Variants in CNTN1 observed in about 807,000 individuals in gnomAD.
CNTN1 encodes contactin 1, also known as contactin-1.
Under a neutral mutation model 126.4 loss-of-function variants are expected in CNTN1, and 38 were observed. The observed-to-expected ratio is 0.30, with a 90% CI of 0.23 to 0.39. CNTN1 has a LOEUF of 0.39. CNTN1 is among the 10% of genes least tolerant of loss of function. CNTN1 has a pLI of 1.00. For synonymous variants in CNTN1, 413 were observed against 422.6 expected, an observed-to-expected ratio of 0.98 and a Z score of 0.28; for missense variants, 1,009 against 1,248.4, an observed-to-expected ratio of 0.81 and a Z score of 2.89.
At chr12:40,922,199 C>T (rs896864802) in intron 4 of CNTN1, 57 bp from the exon 5 acceptor site, 13 of 1,472,144 alleles carry the variant, frequency 8.8e-6, no homozygotes, top group Admixed American at 5.0e-5. Flanking sequence ...GTGTTAGCTC[C>T]GTAGAGTTTC....
chr12:40,764,624 G>A (rs1476021321), intron 1 of CNTN1, among the ~76,000 whole-genome samples: 1 of 152,150 alleles, frequency 6.6e-6, no homozygotes, highest in Non-Finnish European at 1.5e-5. Flanking sequence ...ACTCACAATT[G>A]CAAGTTTTAA....
At chr12:40,955,692 C>G (rs1037387531) in intron 14 of CNTN1, among the ~76,000 whole-genome samples, 1 of 151,916 alleles carries the variant, frequency 6.6e-6, no homozygotes, top group Non-Finnish European at 1.5e-5. Context: ...TAAATAAGAC[C>G]TGGTTCTTTC....
chr12:40,864,120 A>G (rs962131489), intron 1 of CNTN1, among the ~76,000 whole-genome samples: 2 of 147,258 alleles, frequency 1.4e-5, no homozygotes, highest in African/African-American at 5.0e-5. Context: ...TCCCAGGTTC[A>G]AGTGATTCTC....
rs544653230 is a variant in CNTN1, at chr12:41,049,344, G to T, written c.2980+20125G>T. On this transcript the variant is annotated intron_variant, in intron 23 of 23. Coordinates refer to ENST00000551295, the MANE Select transcript of CNTN1 (RefSeq NM_001843.4). Reference sequence around the variant, plus strand: ...GCTGCCTGATTGCTATCTCCATTCAGACATCTAATTTAAACTCTTCCCCAT... The same window carrying T: ...GCTGCCTGATTGCTATCTCCATTCATACATCTAATTTAAACTCTTCCCCAT... Among the ~76,000 whole-genome samples, 85 of 152,276 alleles carry T rather than the reference G, an allele frequency of 5.6e-4. No individual in the cohort carries two copies. In the South Asian group the frequency reaches 7.9e-3, roughly 14 times the overall value.
chr12:40,748,525 A>C (rs1289512913), intron 1 of CNTN1, among the ~76,000 whole-genome samples: 1 of 152,176 alleles, frequency 6.6e-6, no homozygotes, highest in Admixed American at 6.6e-5. Flanking sequence ...ACATATTCTC[A>C]GAATATTTAT....
chr12:41,054,156 G>A (rs1311432276), intron 23 of CNTN1, among the ~76,000 whole-genome samples: 1 of 151,726 alleles, frequency 6.6e-6, no homozygotes, highest in Non-Finnish European at 1.5e-5. Flanking sequence ...GTGCCTTAAA[G>A]TCTCTATACT....
chr12:40,862,710 GA>G (rs1411856573), intron 1 of CNTN1, among the ~76,000 whole-genome samples: 13 of 152,178 alleles, frequency 8.5e-5, no homozygotes, highest in Non-Finnish European at 1.8e-4. Flanking sequence ...TAAAGGTCAT[GA>G]AAAAAATCTC....
chr12:41,005,014 CT>C (rs1331051744), intron 17 of CNTN1: 1 of 152,118 alleles, frequency 6.6e-6, no homozygotes, highest in Admixed American at 6.6e-5. Context: ...TATGTGGTTG[CT>C]TTATAGTGTC....
chr12:40,749,336 C>T (rs1938304364), intron 1 of CNTN1, among the ~76,000 whole-genome samples: 1 of 152,072 alleles, frequency 6.6e-6, no homozygotes, highest in African/African-American at 2.4e-5. Context: ...TAACACACCA[C>T]AATTCACTGA....
chr12:40,776,812 G>A (rs1304784544), intron 1 of CNTN1, among the ~76,000 whole-genome samples: 1 of 151,680 alleles, frequency 6.6e-6, no homozygotes, highest in Admixed American at 6.6e-5. Flanking sequence ...ACTCTATCAA[G>A]TAGGCGACAC....
At chr12:40,929,757 A>C (rs1945818053) in intron 6 of CNTN1, 39 bp from the exon 7 acceptor site, 11 of 1,476,302 alleles carry the variant, frequency 7.5e-6, no homozygotes, top group Non-Finnish European at 1.0e-5. Context: ...CAACTTTGGG[A>C]GAAGCACTTA....
At chr12:41,059,849 AC>A (rs1359257941) in intron 23 of CNTN1, among the ~76,000 whole-genome samples, 1 of 152,028 alleles carries the variant, frequency 6.6e-6, no homozygotes, top group Non-Finnish European at 1.5e-5. Context: ...ACATTGTGAG[AC>A]CCTATATCTA....
intron 1 of CNTN1, among the ~76,000 whole-genome samples, chr12:40,817,599 T>C (rs1941302960): frequency 6.6e-6 from 1 of 150,720 alleles, no homozygotes; most frequent in Admixed American, 6.6e-5. Flanking sequence ...AGCACATTGA[T>C]GGGTCTTGAC....
chr12:41,050,633 T>G (rs1949654364), intron 23 of CNTN1, among the ~76,000 whole-genome samples: 1 of 152,332 alleles, frequency 6.6e-6, no homozygotes, highest in African/African-American at 2.4e-5. Flanking sequence ...CATTATCATA[T>G]GCCTTGATTA....
chr12:40,944,200 AC>A, intron 14 of CNTN1, 30 bp downstream of exon 14: 1 of 1,549,410 alleles, frequency 6.5e-7, no homozygotes, highest in African/African-American at 1.4e-5. Context: ...TCTTATTAAC[AC>A]CCCAGTGATT....
chr12:41,056,971 A>AATATTTAGATATTTATAAATATTTAT (rs1566234535), intron 23 of CNTN1, among the ~76,000 whole-genome samples: 2 of 80,552 alleles, frequency 2.5e-5, no homozygotes, highest in Admixed American at 2.8e-4. Flanking sequence ...TAAATATTAT[A>AATATTTAGATATTTATAAATATTTAT]AATATTTAGA....
intron 1 of CNTN1, among the ~76,000 whole-genome samples, chr12:40,854,129 AATAG>A (rs1043919617): frequency 3.3e-5 from 5 of 151,408 alleles, no homozygotes; most frequent in African/African-American, 1.2e-4. Context: ...ATGATAAGTA[AATAG>A]ACAGGCTGAC....
At chr12:40,828,193 T>G (rs1257524610) in intron 1 of CNTN1, 1 of 152,234 alleles carries the variant, frequency 6.6e-6, no homozygotes, top group East Asian at 1.9e-4. Context: ...TAACTTGCTT[T>G]CTGCTGCAGG....
intron 15 of CNTN1, among the ~76,000 whole-genome samples, chr12:40,966,381 G>A (rs979332173): frequency 6.6e-6 from 1 of 152,002 alleles, no homozygotes; most frequent in Non-Finnish European, 1.5e-5. Flanking sequence ...CCACAGCAAT[G>A]CATCCATTGA....
Sources: allele counts gnomAD v4.1 joint callset (sites outside exome capture counted in the v4.1 genomes callset), GRCh38; gene constraint gnomAD v4.1.1; transcripts MANE v1.5; gene names NCBI Gene and HGNC (gene_info 2026-07-23, HGNC 2026-07-21).